Variants in FOXN3 observed in about 807,000 individuals in gnomAD.
FOXN3 encodes forkhead box N3, also known as forkhead box protein N3.
A neutral mutation model predicts 38.4 loss-of-function variants in FOXN3; 7 were observed. The ratio of observed to expected loss-of-function variants is 0.18; its 90% CI spans 0.10 to 0.34. FOXN3 has a LOEUF of 0.34. FOXN3 is among the 10% of genes least tolerant of loss of function. FOXN3 has a pLI of 1.00. For synonymous variants in FOXN3, 230 were observed against 242.2 expected (o/e 0.95, Z 0.47); for missense variants, 456 against 613.4 (o/e 0.74, Z 2.71).
At chr14:89,316,907 T>C (rs1255446066) in intron 3 of FOXN3, among the ~76,000 whole-genome samples, 1 of 150,804 alleles carries the variant, frequency 6.6e-6, no homozygotes. Flanking sequence ...TCAGGTGATC[T>C]GCCAGCCTTG....
chr14:89,464,901 T>C (rs1892941797), intron 1 of FOXN3, among the ~76,000 whole-genome samples: 1 of 152,146 alleles, frequency 6.6e-6, no homozygotes, highest in African/African-American at 2.4e-5. Flanking sequence ...TTTCACCATG[T>C]TGGCCAAGCT....
At chr14:89,235,734 T>G (rs762378177) in intron 4 of FOXN3, among the ~76,000 whole-genome samples, 5 of 151,458 alleles carry the variant, frequency 3.3e-5, no homozygotes, top group African/African-American at 1.2e-4. Flanking sequence ...AGTGATTTCA[T>G]GTGAGAAGAA....
chr14:89,360,284 G>C (rs548063822), intron 2 of FOXN3, among the ~76,000 whole-genome samples: 4 of 149,686 alleles, frequency 2.7e-5, no homozygotes, highest in African/African-American at 9.8e-5. Flanking sequence ...AGGGATGAGA[G>C]AGGAAGAGAG....
At chr14:89,520,603 G>A (rs894311932) in intron 1 of FOXN3, among the ~76,000 whole-genome samples, 1 of 152,152 alleles carries the variant, frequency 6.6e-6, no homozygotes, top group Non-Finnish European at 1.5e-5. Flanking sequence ...ACACTAAAAA[G>A]ATATTTACCT....
intron 4 of FOXN3, among the ~76,000 whole-genome samples, chr14:89,183,216 A>G (rs1021471918): frequency 6.6e-6 from 1 of 152,198 alleles, no homozygotes; most frequent in African/African-American, 2.4e-5. Flanking sequence ...TCAGATAGCC[A>G]CAGGTTCAGT....
At chr14:89,276,286 C>T (rs1886297711) in intron 4 of FOXN3, among the ~76,000 whole-genome samples, 1 of 152,136 alleles carries the variant, frequency 6.6e-6, no homozygotes, top group Admixed American at 6.5e-5. Context: ...GTCTCAACAA[C>T]AGCAACAATA....
In FOXN3 at chr14:89,559,851, CA is replaced by C. The variant is rs139731511; in HGVS notation, c.-15+59176del. ...CAATAGCTGGGGACACAGAGGCAGTCACCCGAGCTCTCAGATACACTTCAGG... is the reference window on the plus strand; with the variant it reads ...CAATAGCTGGGGACACAGAGGCAGTCCCCGAGCTCTCAGATACACTTCAGG... On this transcript the variant is annotated intron_variant, in intron 1 of 6. Coordinates refer to the FOXN3 transcript ENST00000345097. 9.9e-3 allele frequency among the ~76,000 whole-genome samples: 1,505 copies of C among 152,204 alleles called. 17 individuals are homozygous for C. Among genetic ancestry groups the C allele is most frequent in the Non-Finnish European group, 0.017 (1,179 of 68,000 alleles).
At chr14:89,291,023 T>A (rs1476994) in intron 3 of FOXN3, 7 of 458,732 alleles carry the variant, frequency 1.5e-5, no homozygotes, top group Admixed American at 6.8e-5. Flanking sequence ...GCTCCTTGAC[T>A]CATGCTTGAA....
chr14:89,422,870 T>C (rs979651394), intron 1 of FOXN3, among the ~76,000 whole-genome samples: 2 of 152,104 alleles, frequency 1.3e-5, no homozygotes, highest in African/African-American at 4.8e-5. Context: ...GCTGAACTGG[T>C]AGGGTGAAGT....
At chr14:89,496,556 T>C (rs189127845) in intron 1 of FOXN3, among the ~76,000 whole-genome samples, 125 of 152,198 alleles carry the variant, frequency 8.2e-4, no homozygotes, top group African/African-American at 2.9e-3. Context: ...CAGCAGTAAT[T>C]ATTATATTTA....
At chr14:89,608,796 A>G (rs967281398) in intron 1 of FOXN3, among the ~76,000 whole-genome samples, 6 of 152,228 alleles carry the variant, frequency 3.9e-5, no homozygotes, top group African/African-American at 1.4e-4. Context: ...TTGTTTTCCT[A>G]TGGAAGACTA....
intron 1 of FOXN3, among the ~76,000 whole-genome samples, chr14:89,543,756 G>C (rs78141926): frequency 0.015 from 2,227 of 152,272 alleles, 58 homozygotes; most frequent in African/African-American, 0.051. Flanking sequence ...AAATCAGAGA[G>C]AGACAGAAAA....
At chr14:89,295,792 G>A (rs954043808) in intron 3 of FOXN3, among the ~76,000 whole-genome samples, 1 of 135,304 alleles carries the variant, frequency 7.4e-6, no homozygotes, top group Admixed American at 7.2e-5. Flanking sequence ...TAGAGACTGG[G>A]TCTTGCTATG....
chr14:89,565,764 T>C (rs1221370908), intron 1 of FOXN3, among the ~76,000 whole-genome samples: 2 of 152,186 alleles, frequency 1.3e-5, no homozygotes, highest in African/African-American at 2.4e-5. Flanking sequence ...TGGTGGTGGT[T>C]GCATTTGCCA....
intron 2 of FOXN3, among the ~76,000 whole-genome samples, chr14:89,379,906 C>G (rs1172684990): frequency 6.6e-6 from 1 of 152,190 alleles, no homozygotes; most frequent in Non-Finnish European, 1.5e-5. Flanking sequence ...AGTGATCCAC[C>G]TGCCTCAGCC....
chr14:89,470,256 A>C (rs1443359242), intron 1 of FOXN3, among the ~76,000 whole-genome samples: 1 of 151,704 alleles, frequency 6.6e-6, no homozygotes, highest in African/African-American at 2.4e-5. Flanking sequence ...TTTGAAGGGA[A>C]TCAACCTACA....
At chr14:89,382,731 C>T (rs1890683178) in intron 2 of FOXN3, among the ~76,000 whole-genome samples, 1 of 152,220 alleles carries the variant, frequency 6.6e-6, no homozygotes, top group Non-Finnish European at 1.5e-5. Context: ...ACAATCATTG[C>T]CACTTTACAG....
chr14:89,224,441 A>C (rs1884567339), intron 4 of FOXN3, among the ~76,000 whole-genome samples: 1 of 152,192 alleles, frequency 6.6e-6, no homozygotes, highest in Non-Finnish European at 1.5e-5. Context: ...CTTTCATAAA[A>C]ATTAATTTCA....
intron 4 of FOXN3, among the ~76,000 whole-genome samples, chr14:89,278,953 G>C (rs1455755671): frequency 6.6e-6 from 1 of 151,938 alleles, no homozygotes; most frequent in African/African-American, 2.4e-5. Flanking sequence ...TCTTGCTTGT[G>C]GGCCTTAGCA....
Sources: gnomAD v4.1 joint callset for allele counts (sites outside exome capture counted in the v4.1 genomes callset) on GRCh38, gnomAD v4.1.1 for gene constraint, MANE v1.5 for transcripts, NCBI Gene and HGNC (gene_info 2026-07-23, HGNC 2026-07-21) for gene names.